STK10: variants seen among roughly 807,000 people sequenced by gnomAD.
STK10 encodes the protein serine/threonine kinase 10.
STK10 carries 78 observed loss-of-function variants against 113.8 expected under a neutral mutation model. The observed-to-expected ratio is 0.69, with a 90% confidence interval of 0.57 to 0.83. STK10 has a LOEUF of 0.83. STK10 is among the 40% of genes least tolerant of loss of function. The pLI, the probability that STK10 is intolerant of heterozygous loss-of-function variation, is 0.00. For missense variants in STK10, 1,109 were observed against 1,280.1 expected (o/e 0.87, Z 2.04); for synonymous variants, 465 against 494.7 (o/e 0.94, Z 0.80).
intron 3 of STK10, 51 bp downstream of exon 3, chr5:172,127,322 T>TC (rs764244965): frequency 6.2e-7 from 1 of 1,607,200 alleles, no homozygotes; most frequent in Non-Finnish European, 8.5e-7. Flanking sequence ...GGCTTAGGAC[T>TC]CCAAACGAGT....
At chr5:172,056,979 GAAAGAAAGAAAGAAAGA>G (rs1767802581) in intron 15 of STK10, 3 of 95,418 alleles carry the variant, frequency 3.1e-5, no homozygotes, top group African/African-American at 1.5e-4. Flanking sequence ...AAGAAAGAAA[GAAAGAAAGAAAGAAAGA>G]GAAAGAAGGA....
At chr5:172,174,354 T>C (rs1770716990) in intron 1 of STK10, among the ~76,000 whole-genome samples, 1 of 152,072 alleles carries the variant, frequency 6.6e-6, no homozygotes, top group Non-Finnish European at 1.5e-5. Context: ...GTATTTTTAA[T>C]AGAGATGGCG....
intron 18 of STK10, among the ~76,000 whole-genome samples, chr5:172,046,181 G>A (rs986891180): frequency 2.0e-5 from 3 of 151,310 alleles, no homozygotes; most frequent in African/African-American, 4.9e-5. Context: ...CCAACAAGGC[G>A]AAACCCCATC....
chr5:172,164,417 G>A (rs770277344), intron 1 of STK10, among the ~76,000 whole-genome samples: 3 of 152,020 alleles, frequency 2.0e-5, no homozygotes, highest in Admixed American at 6.6e-5. Flanking sequence ...TGAGAAGACC[G>A]TTGATCCCTT....
chr5:172,141,536 G>A (rs1173089491), intron 2 of STK10, among the ~76,000 whole-genome samples: 1 of 149,948 alleles, frequency 6.7e-6, no homozygotes, highest in Non-Finnish European at 1.5e-5. Context: ...AGCCGATTGT[G>A]CCACTACATA....
intron 2 of STK10, among the ~76,000 whole-genome samples, chr5:172,152,738 TTA>T (rs1770263781): frequency 6.6e-6 from 1 of 152,222 alleles, no homozygotes; most frequent in African/African-American, 2.4e-5. Context: ...ACTGTAAATT[TTA>T]TGACATCTAA....
In STK10 at chr5:172,052,914, C is replaced by G. The variant is rs771606415; in HGVS notation, c.2766+15G>C. 1.1e-5 allele frequency: 17 copies of G among 1,613,300 alleles called. No individual in the cohort carries two copies. The highest frequency in any genetic ancestry group is 1.4e-5 in the Non-Finnish European group (17 of 1,179,810). The stretch of plus-strand genomic sequence containing the variant: ...CAGAGCCCGAGACTGAGCCCACCAG[C>G]TCGGATAAAGTTACCTTCTTGCGCG... On this transcript the variant is annotated intron_variant, in intron 18 of 18. Coordinates refer to ENST00000176763, the MANE Select transcript of STK10 (RefSeq NM_005990.4).
At chr5:172,131,280 T>A (rs1180673412) in intron 2 of STK10, among the ~76,000 whole-genome samples, 1 of 152,160 alleles carries the variant, frequency 6.6e-6, no homozygotes, top group Non-Finnish European at 1.5e-5. Context: ...GCGATCTGCC[T>A]GCCTCAGCCT....
At chr5:172,139,709 A>G in intron 2 of STK10, among the ~76,000 whole-genome samples, 1 of 152,082 alleles carries the variant, frequency 6.6e-6, no homozygotes, top group Non-Finnish European at 1.5e-5. Flanking sequence ...AAAATGAATT[A>G]CAAAGTGAAG....
In STK10 at chr5:172,048,414, TACACACACACAC is replaced by T. The variant is rs370301917; in HGVS notation, c.2767-3404_2767-3393del. Among the ~76,000 whole-genome samples, 7 of 128,482 alleles carry T rather than the reference TACACACACACAC, an allele frequency of 5.4e-5. No individual in the cohort carries two copies. The South Asian group carries it at 7.8e-4, about 14-fold the overall frequency. The allele number at this position is 128,482 out of a possible 152,430, so 84.3% of individuals were successfully genotyped here. ...AAATCAATTTCCCTCTCCCTCTCCC[TACACACACACAC>T]ACACACACACACACACACACACACA... On this transcript the variant is annotated intron_variant, in intron 18 of 18. Coordinates refer to ENST00000176763, the MANE Select transcript of STK10 (RefSeq NM_005990.4).
intron 7 of STK10, among the ~76,000 whole-genome samples, chr5:172,100,602 C>T (rs1452344947): frequency 1.3e-5 from 2 of 152,090 alleles, no homozygotes; most frequent in Non-Finnish European, 1.5e-5. Flanking sequence ...CCCTGGCCAA[C>T]ATGGCGAAAT....
Position 172,057,528 on chromosome 5 carries a change from G to A in STK10, c.2213-55C>T, listed in dbSNP as rs539674530. 3.3e-6 allele frequency: 5 copies of A among 1,525,894 alleles called. No individual in the cohort carries two copies. In the South Asian group the frequency reaches 4.9e-5, roughly 15 times the overall value. 94.5% of individuals were successfully genotyped at this position (1,525,894 alleles called of 1,614,324 possible). A position where few individuals can be genotyped will look rare whatever the true frequency, so the allele number is the denominator to read the frequency against. On this transcript the variant is annotated intron_variant, in intron 14 of 18. Transcript: ENST00000176763. ...GGTGCTGACAACCAGAGACTCGACA[G>A]GCCCCCTGCCCCCCACCTCTGCCTG...
rs3797322 is a variant in STK10 at position 172,170,573 on chromosome 5, T to G, written c.157-13785A>C. Among the ~76,000 whole-genome samples, 8 of 152,360 alleles carry G rather than the reference T, an allele frequency of 5.3e-5. No individual in the cohort carries two copies. In the East Asian group the frequency reaches 1.5e-3, roughly 29 times the overall value. On this transcript the variant is annotated intron_variant, in intron 1 of 18. Coordinates refer to ENST00000176763, the MANE Select transcript of STK10 (RefSeq NM_005990.4). Reference sequence around the variant, plus strand: ...CTGTCTCCCTCAGGGAGGGGAAGCCTGGCCAGCCACCCTGGCACAGCTCAG... The same window carrying G: ...CTGTCTCCCTCAGGGAGGGGAAGCCGGGCCAGCCACCCTGGCACAGCTCAG...
At position 172,082,555 on chromosome 5, in the gene STK10, G is replaced by A; in HGVS notation, c.1810-50C>T. 6.6e-7 allele frequency: 1 copy of A among 1,525,182 alleles called. No homozygotes were observed. The allele number at this position is 1,525,182 out of a possible 1,614,324, so 94.5% of individuals were successfully genotyped here. ...AACTTAGCGAAGTCACTTTATACCT[G>A]GGAGGGACATGGGAAGTGGAATGGG... On this transcript the variant is annotated intron_variant, in intron 11 of 18. Coordinates refer to ENST00000176763, the MANE Select transcript of STK10 (RefSeq NM_005990.4). This position sits in a 1 kb window ranked among gnomAD's most constrained non-coding sequence, Gnocchi z 4.3.
intron 14 of STK10, among the ~76,000 whole-genome samples, chr5:172,060,330 C>G (rs1767905664): frequency 6.6e-6 from 1 of 152,178 alleles, no homozygotes; most frequent in Admixed American, 6.6e-5. Context: ...CTGCTTGAGC[C>G]TCAGAGGCAG....
chr5:172,088,275 C>G (rs1249429810), intron 10 of STK10, among the ~76,000 whole-genome samples: 1 of 151,976 alleles, frequency 6.6e-6, no homozygotes, highest in Non-Finnish European at 1.5e-5. Context: ...TCTGTAATTC[C>G]AGCACTTTGG....
At position 172,044,812 on chromosome 5, in the gene STK10, C is replaced by G. The variant is rs1194740111; in HGVS notation, c.*70G>C. The G allele has an allele frequency of 6.2e-7, 1 of 1,611,340 alleles. No homozygotes were observed. The highest frequency in any genetic ancestry group is 1.3e-5 in the African/African-American group (1 of 74,890). ...AAGAGGGAAAAGGGGTCCTGAGTTA[C>G]ATGTTCACAGAGAATGAAGGAGAAG... On this transcript the variant is annotated 3_prime_UTR_variant, in exon 19 of 19. Coordinates refer to ENST00000176763, the MANE Select transcript of STK10 (RefSeq NM_005990.4). This position sits in a 1 kb window ranked among gnomAD's most constrained non-coding sequence, Gnocchi z 4.5.
At chr5:172,174,715 A>G (rs1770723079) in intron 1 of STK10, among the ~76,000 whole-genome samples, 1 of 152,126 alleles carries the variant, frequency 6.6e-6, no homozygotes, top group South Asian at 2.1e-4. Flanking sequence ...AGGGAATCTG[A>G]GTTGAGACCC....
intron 18 of STK10, among the ~76,000 whole-genome samples, chr5:172,048,844 G>T (rs1187671394): frequency 6.6e-6 from 1 of 151,048 alleles, no homozygotes; most frequent in Non-Finnish European, 1.5e-5. Context: ...CCACCCCTCT[G>T]ACTTTACCTC....
Sources: allele counts gnomAD v4.1 joint callset (sites outside exome capture counted in the v4.1 genomes callset), GRCh38; gene constraint gnomAD v4.1.1; non-coding constraint Gnocchi (gnomAD v3.1); transcripts MANE v1.5; gene names NCBI Gene and HGNC (gene_info 2026-07-23, HGNC 2026-07-21).